The following GAB2 variants were observed in gnomAD, a reference collection of about 807,000 sequenced individuals.
The protein encoded by GAB2 is GRB2 associated binding protein 2, also known as GRB2-associated-binding protein 2.
A neutral mutation model predicts 65.5 loss-of-function variants in GAB2; 26 were observed. The ratio of observed to expected loss-of-function variants is 0.40; its 90% confidence interval spans 0.29 to 0.55. The LOEUF is 0.55. GAB2 is among the 20% of genes least tolerant of loss of function. The pLI is 0.53. For synonymous variants in GAB2, 321 were observed against 329.6 expected, an observed-to-expected ratio of 0.97 and a Z score of 0.28; for missense variants, 884 against 875.8, an observed-to-expected ratio of 1.01 and a Z score of -0.12.
intron 1 of GAB2, among the ~76,000 whole-genome samples, chr11:78,394,026 C>T (rs561912753): frequency 6.6e-5 from 10 of 152,356 alleles, no homozygotes; most frequent in South Asian, 2.1e-4. Context: ...TGGTGGCTCA[C>T]GCCCGTAATC....
In GAB2 at chr11:78,309,196, A is replaced by C. The variant is rs562793659; in HGVS notation, c.76-28295T>G. On this transcript the variant is annotated intron_variant, in intron 1 of 9. Coordinates refer to ENST00000361507, the MANE Select transcript of GAB2 (RefSeq NM_080491.3). ...GGGAGATCAGATGACAGGTAGGGAA[A>C]TATTAAGAGTAGCAGACTCAAGCAA... is the stretch of plus-strand genomic sequence containing the variant. Among the ~76,000 whole-genome samples the C allele has an allele frequency of 1.0e-3, 155 of 152,334 alleles. No individual in the cohort carries two copies. In the South Asian group the frequency reaches 0.011, roughly 11 times the overall value.
At chr11:78,381,530 T>C (rs60080783) in intron 1 of GAB2, among the ~76,000 whole-genome samples, 3,737 of 152,274 alleles carry the variant, frequency 0.025, 121 homozygotes, top group African/African-American at 0.078. Flanking sequence ...TGGCTCTTCC[T>C]CCTCCCACCT....
At chr11:78,225,008 G>C in intron 5 of GAB2, 100 bp downstream of exon 5, 1 of 733,594 alleles carries the variant, frequency 1.4e-6, no homozygotes, top group Non-Finnish European at 2.4e-6. Flanking sequence ...CTAAGATGGA[G>C]ACGCCATCAA....
At chr11:78,315,336 G>C (rs1042778367) in intron 1 of GAB2, among the ~76,000 whole-genome samples, 20 of 152,122 alleles carry the variant, frequency 1.3e-4, no homozygotes, top group Non-Finnish European at 2.2e-4. Context: ...CCTGCTTTTA[G>C]GGGATCCTCA....
chr11:78,325,427 C>G (rs1424605172), intron 1 of GAB2, among the ~76,000 whole-genome samples: 1 of 152,166 alleles, frequency 6.6e-6, no homozygotes, highest in South Asian at 2.1e-4. Flanking sequence ...GACTAGGAAC[C>G]AAGTAATTTG....
chr11:78,347,302 C>T (rs374648334), intron 1 of GAB2, among the ~76,000 whole-genome samples: 3 of 152,046 alleles, frequency 2.0e-5, no homozygotes, highest in African/African-American at 4.8e-5. Context: ...GAATGTCCTC[C>T]GAGTGTCAAC....
intron 1 of GAB2, among the ~76,000 whole-genome samples, chr11:78,414,935 G>A (rs1857175231): frequency 6.6e-6 from 1 of 151,830 alleles, no homozygotes; most frequent in South Asian, 2.1e-4. Flanking sequence ...GCAGTGGTAC[G>A]ATCTCGGCTC....
chr11:78,245,795 G>A (rs1303451994), intron 3 of GAB2, among the ~76,000 whole-genome samples: 1 of 152,170 alleles, frequency 6.6e-6, no homozygotes, highest in Non-Finnish European at 1.5e-5. Flanking sequence ...TCAGCCTGAG[G>A]AAATTTCTTA....
At chr11:78,390,981 T>A (rs1197292792) in intron 1 of GAB2, among the ~76,000 whole-genome samples, 1 of 152,222 alleles carries the variant, frequency 6.6e-6, no homozygotes, top group Non-Finnish European at 1.5e-5. Flanking sequence ...TGGGCGGTAC[T>A]ATGAAAGCGG....
chr11:78,306,469 C>A (rs867562917), intron 1 of GAB2, among the ~76,000 whole-genome samples: 1 of 152,136 alleles, frequency 6.6e-6, no homozygotes, highest in Non-Finnish European at 1.5e-5. Context: ...TGAGCTCAGG[C>A]AATCTGCCCA....
intron 1 of GAB2, among the ~76,000 whole-genome samples, chr11:78,302,466 T>C (rs1235931529): frequency 6.6e-6 from 1 of 150,568 alleles, no homozygotes; most frequent in African/African-American, 2.4e-5. Flanking sequence ...CAAATGCAAA[T>C]CAAAACCACA....
chr11:78,383,991 G>A (rs556783350), intron 1 of GAB2, among the ~76,000 whole-genome samples: 1 of 152,306 alleles, frequency 6.6e-6, no homozygotes, highest in South Asian at 2.1e-4. Context: ...CAGAGCAGCA[G>A]CGTGGCGACA....
At chr11:78,265,799 G>A (rs542427994) in intron 2 of GAB2, among the ~76,000 whole-genome samples, 1 of 152,248 alleles carries the variant, frequency 6.6e-6, no homozygotes, top group African/African-American at 2.4e-5. Context: ...AGATGAGAAT[G>A]TTTTTAAAGC....
chr11:78,309,975 C>CGCGT (rs1554987074), intron 1 of GAB2, among the ~76,000 whole-genome samples: 29 of 133,818 alleles, frequency 2.2e-4, no homozygotes, highest in African/African-American at 9.1e-4. Flanking sequence ...TGTGTGTGCG[C>CGCGT]GCGCGCCTGT....
chr11:78,361,282 C>T (rs1856431354), intron 1 of GAB2, among the ~76,000 whole-genome samples: 1 of 152,000 alleles, frequency 6.6e-6, no homozygotes, highest in African/African-American at 2.4e-5. Flanking sequence ...CTTTTATAGC[C>T]TATAAGAGGG....
At chr11:78,312,426 T>TA (rs1855519512) in intron 1 of GAB2, among the ~76,000 whole-genome samples, 1 of 152,234 alleles carries the variant, frequency 6.6e-6, no homozygotes, top group African/African-American at 2.4e-5. Flanking sequence ...TTATCCCATT[T>TA]TATTTTATTT....
intron 1 of GAB2, among the ~76,000 whole-genome samples, chr11:78,320,301 G>A (rs1385790645): frequency 6.6e-6 from 1 of 152,150 alleles, no homozygotes; most frequent in Non-Finnish European, 1.5e-5. Context: ...CCTCCCAGTA[G>A]GTGGGACTAC....
intron 1 of GAB2, among the ~76,000 whole-genome samples, chr11:78,329,641 T>C (rs909829412): frequency 1.3e-5 from 2 of 152,154 alleles, no homozygotes; most frequent in African/African-American, 4.8e-5. Flanking sequence ...CCAGACCATT[T>C]TAGAGGCCAC....
chr11:78,329,754 C>G (rs1026714683), intron 1 of GAB2, among the ~76,000 whole-genome samples: 1 of 152,184 alleles, frequency 6.6e-6, no homozygotes, highest in African/African-American at 2.4e-5. Flanking sequence ...TTTGGATTTT[C>G]TCAGCTAGCA....
Sources: gnomAD v4.1 joint callset for allele counts (sites outside exome capture counted in the v4.1 genomes callset) on GRCh38, gnomAD v4.1.1 for gene constraint, MANE v1.5 for transcripts, NCBI Gene and HGNC (gene_info 2026-07-23, HGNC 2026-07-21) for gene names.